Variants in ACACB observed in about 807,000 individuals in gnomAD.
ACACB encodes acetyl-CoA carboxylase 2.
In ACACB, 209 loss-of-function variants were observed where a neutral mutation model predicts 278.8. The ratio of observed to expected loss-of-function variants is 0.75; its 90% CI spans 0.67 to 0.84. The LOEUF (loss-of-function observed/expected upper bound fraction) is 0.84, where lower values mean the gene tolerates loss of function less well. Among genes scored for constraint, ACACB ranks in the 40% least tolerant of loss-of-function variants. The pLI is 0.00. For synonymous variants in ACACB, 1,174 were observed against 1,285.6 expected (o/e 0.91, Z 1.86); for missense variants, 2,850 against 3,269.0 (o/e 0.87, Z 3.13).
chr12:109,207,755 T>C (rs1033155019), intron 20 of ACACB, among the ~76,000 whole-genome samples: 1 of 152,220 alleles, frequency 6.6e-6, no homozygotes, highest in Non-Finnish European at 1.5e-5. Context: ...CTTGTCTCAC[T>C]GTAACCTCTG....
In ACACB at chr12:109,264,623, A is replaced by G. The variant is rs891928992; in HGVS notation, c.6942+237A>G. On this transcript the variant is annotated intron_variant, in intron 50 of 52. Transcript: ENST00000338432. Reference sequence around the variant, plus strand: ...GCGGTCGTATTTTTTAAAGATCCCCAAGAGATTCTAATAAGCAGCAAAGTT... The same window carrying G: ...GCGGTCGTATTTTTTAAAGATCCCCGAGAGATTCTAATAAGCAGCAAAGTT... 3.9e-5 allele frequency among the ~76,000 whole-genome samples: 6 copies of G among 152,222 alleles called. No individual in the cohort carries two copies. The East Asian group carries it at 1.2e-3, about 29-fold the overall frequency.
intron 3 of ACACB, 46 bp downstream of exon 3, chr12:109,167,039 A>G: frequency 6.2e-7 from 1 of 1,611,526 alleles, no homozygotes; most frequent in Non-Finnish European, 8.5e-7. Flanking sequence ...ATTGGGGTGC[A>G]GGGGCCCCTC....
chr12:109,194,610 C>G (rs373191537), intron 16 of ACACB, among the ~76,000 whole-genome samples: 2 of 95,316 alleles, frequency 2.1e-5, no homozygotes, highest in Admixed American at 1.1e-4. Flanking sequence ...GCCTCTGCCT[C>G]TGTGTGTGTG....
intron 50 of ACACB, 61 bp downstream of exon 50, chr12:109,264,447 GGA>G: frequency 6.2e-7 from 1 of 1,600,252 alleles, no homozygotes; most frequent in Admixed American, 1.7e-5. Flanking sequence ...AAAACATGGA[GGA>G]CATTTGGGCT....
intron 2 of ACACB, among the ~76,000 whole-genome samples, chr12:109,140,527 T>C (rs1241110980): frequency 6.6e-6 from 1 of 152,132 alleles, no homozygotes; most frequent in Admixed American, 6.6e-5. Flanking sequence ...CATGCAGGCG[T>C]GTGCCTGTAA....
rs1457534140 is a variant in ACACB at position 109,209,334 on chromosome 12, G to A, written c.3230G>A (p.Cys1077Tyr). The change falls in exon 21 of 53, where the codon TGC (cysteine) becomes TAC (tyrosine). Residue 1077 changes from cysteine (C) to tyrosine (Y), a missense_variant. Cys to Tyr is a radical substitution (Grantham distance 194). Transcript: ENST00000338432. The stretch of plus-strand genomic sequence containing the variant: ...GCCAGCAACATCACCTCGGTGCTGT[G>A]CCAGTTCCCCAGCCAGCAGGTGCGT... ...QYASNITSVL[C>Y]QFPSQQIATI... 2 of 1,610,708 alleles carry A rather than the reference G, an allele frequency of 1.2e-6. No homozygotes were observed. Among genetic ancestry groups the A allele is most frequent in the Non-Finnish European group, 1.7e-6 (2 of 1,179,028 alleles).
At chr12:109,214,360 T>C (rs2045933905) in intron 22 of ACACB, among the ~76,000 whole-genome samples, 1 of 152,156 alleles carries the variant, frequency 6.6e-6, no homozygotes, top group South Asian at 2.1e-4. Flanking sequence ...ACAAAGAATG[T>C]GAGATTGTAG....
intron 1 of ACACB, among the ~76,000 whole-genome samples, chr12:109,122,671 TG>T (rs1434233260): frequency 1.3e-5 from 2 of 151,626 alleles, no homozygotes; most frequent in Admixed American, 6.6e-5. Context: ...TTCAGTCAGC[TG>T]GTGGGTACTT....
chr12:109,228,964 A>AT lies in ACACB; in HGVS notation c.4001+1478dup, dbSNP rs1414763734. The stretch of plus-strand genomic sequence containing the variant: ...TCAGTGCTCCCACACTCTTTTATTT[A>AT]TTTATTTTTTTTGAGATGGAGTCTC... On this transcript the variant is annotated intron_variant, in intron 28 of 52. Transcript: ENST00000338432. 2.6e-3 allele frequency among the ~76,000 whole-genome samples: 392 copies of AT among 151,836 alleles called. 1 individual carries two copies. Among genetic ancestry groups the AT allele is most frequent in the African/African-American group, 9.1e-3 (377 of 41,404 alleles).
chr12:109,179,395 TG>T, intron 10 of ACACB, 98 bp downstream of exon 10: 1 of 1,303,420 alleles, frequency 7.7e-7, no homozygotes, highest in South Asian at 1.3e-5. Context: ...AATGGTGGCA[TG>T]GGTGCCTAAC....
At chr12:109,189,856 A>T (rs1593507550) in intron 13 of ACACB, among the ~76,000 whole-genome samples, 1 of 152,304 alleles carries the variant, frequency 6.6e-6, no homozygotes, top group Non-Finnish European at 1.5e-5. Context: ...CATGCCTGTA[A>T]TCCCAGCACT....
intron 20 of ACACB, among the ~76,000 whole-genome samples, chr12:109,207,468 TGTTC>T (rs2045556254): frequency 6.6e-6 from 1 of 152,210 alleles, no homozygotes; most frequent in Non-Finnish European, 1.5e-5. Context: ...AACACACCTC[TGTTC>T]GTCATTCACC....
At chr12:109,136,132 A>G (rs752692595) in intron 1 of ACACB, among the ~76,000 whole-genome samples, 5 of 152,124 alleles carry the variant, frequency 3.3e-5, no homozygotes, top group African/African-American at 4.8e-5. Context: ...TTCTTTCTCC[A>G]TTGGATGGTC....
In ACACB at chr12:109,141,383, G is replaced by A. The variant is rs536019044; in HGVS notation, c.653+1325G>A. On this transcript the variant is annotated intron_variant, in intron 2 of 52. Transcript: ENST00000338432. ...GGCTGCAGTCAGTGGCTTTGTTGTT[G>A]ATGTTGTTGTTATCCACCTTCTCCT... Among the ~76,000 whole-genome samples the A allele has an allele frequency of 1.5e-3, 226 of 152,252 alleles. 2 individuals carry two copies. Among genetic ancestry groups the A allele is most frequent in the African/African-American group, 5.3e-3 (220 of 41,550 alleles).
chr12:109,256,064 T>C (rs2047215746), intron 44 of ACACB, 76 bp from the exon 45 acceptor site: 1 of 1,180,226 alleles, frequency 8.5e-7, no homozygotes, highest in African/African-American at 1.5e-5. Context: ...TAGGGAGCTT[T>C]TGCACAGCCA....
At chr12:109,188,185 CCT>C (rs2044733338) in intron 13 of ACACB, 23 bp downstream of exon 13, 2 of 794,000 alleles carry the variant, frequency 2.5e-6, no homozygotes, top group Non-Finnish European at 1.9e-6. Flanking sequence ...TTCCTTCCTT[CCT>C]TCCTTCCTTC....
chr12:109,115,366 AT>A (rs769392583), upstream of ACACB, among the ~76,000 whole-genome samples: 9 of 151,798 alleles, frequency 5.9e-5, no homozygotes, highest in South Asian at 2.1e-4. Context: ...CTGGGAAAGA[AT>A]TTTTTTTTCA....
At position 109,239,824 on chromosome 12, in the gene ACACB, T is replaced by C. The variant is rs2046743062; in HGVS notation, c.4663-6T>C. ...CTGAGCAGCTGCCCCTCCCACTCTT[T>C]GGCAGGAAGCCTCCTTCGAATACCT... On this transcript the variant is annotated splice_region_variant and splice_polypyrimidine_tract_variant and intron_variant, in intron 34 of 52. Transcript: ENST00000338432. 6.2e-7 allele frequency: 1 copy of C among 1,608,194 alleles called. No individual in the cohort carries two copies. The highest frequency in any genetic ancestry group is 8.5e-7 in the Non-Finnish European group (1 of 1,177,050).
chr12:109,206,893 G>A, intron 20 of ACACB, 37 bp downstream of exon 20: 1 of 1,612,604 alleles, frequency 6.2e-7, no homozygotes, highest in Non-Finnish European at 8.5e-7. Context: ...GTAGACCAGT[G>A]CGGAGGGTCA....
Sources: allele counts gnomAD v4.1 joint callset (sites outside exome capture counted in the v4.1 genomes callset), GRCh38; gene constraint gnomAD v4.1.1; transcripts MANE v1.5; gene names NCBI Gene and HGNC (gene_info 2026-07-23, HGNC 2026-07-21).